The following TJP1 variants were observed in gnomAD, a reference collection of about 807,000 sequenced individuals.
TJP1 encodes tight junction protein 1.
Under a neutral mutation model 194.2 loss-of-function variants are expected in TJP1, and 43 were observed. The observed-to-expected ratio is 0.22, with a 90% CI of 0.17 to 0.29. The LOEUF is 0.29. Ranked by LOEUF, TJP1 falls within the 10% of genes least tolerant of loss-of-function variation. TJP1 has a pLI of 1.00. For missense variants in TJP1, 1,971 were observed against 2,185.7 expected (o/e 0.90, Z 1.96); for synonymous variants, 801 against 779.0 (o/e 1.03, Z -0.47).
chr15:29,943,718 G>A (rs2055171268), intron 2 of TJP1, among the ~76,000 whole-genome samples: 1 of 150,018 alleles, frequency 6.7e-6, no homozygotes, highest in South Asian at 2.1e-4. Context: ...GGAGGCCAAG[G>A]TGGGCAGATC....
intron 11 of TJP1, among the ~76,000 whole-genome samples, chr15:29,736,129 AAT>A (rs1218840651): frequency 1.3e-5 from 2 of 152,230 alleles, no homozygotes; most frequent in Non-Finnish European, 2.9e-5. Flanking sequence ...GCTGCTAAAA[AAT>A]AAAGGAAAAT....
At chr15:29,746,050 G>T (rs1220881998) in intron 8 of TJP1, among the ~76,000 whole-genome samples, 1 of 152,156 alleles carries the variant, frequency 6.6e-6, no homozygotes, top group East Asian at 1.9e-4. Context: ...ATTAAAATTA[G>T]GTGTAATGAA....
intron 5 of TJP1, 148 bp downstream of exon 5, chr15:29,766,118 C>T: frequency 9.6e-7 from 1 of 1,045,708 alleles, no homozygotes; most frequent in Non-Finnish European, 1.4e-6. Flanking sequence ...GTCCCTGAAG[C>T]CTGCCATAAC....
chr15:29,763,767 C>CA (rs10680239), intron 5 of TJP1, among the ~76,000 whole-genome samples: 3,861 of 122,144 alleles, frequency 0.032, 226 homozygotes, highest in African/African-American at 0.092. Flanking sequence ...GACTCCGTCT[C>CA]AAAAAAAAAA....
intron 1 of TJP1, chr15:29,820,649 G>A (rs1303247276): frequency 3.0e-5 from 21 of 696,284 alleles, no homozygotes; most frequent in Non-Finnish European, 5.6e-5. Context: ...GACATTCTGT[G>A]TAATACGGAA....
At chr15:29,714,762 CG>C (rs1333227243) in intron 23 of TJP1, among the ~76,000 whole-genome samples, 4 of 151,572 alleles carry the variant, frequency 2.6e-5, no homozygotes, top group African/African-American at 9.7e-5. Flanking sequence ...AGGATGGTCT[CG>C]ATCTCCTGAC....
intron 2 of TJP1, among the ~76,000 whole-genome samples, chr15:29,832,240 GAGA>G (rs2050859521): frequency 6.6e-6 from 1 of 152,098 alleles, no homozygotes; most frequent in Non-Finnish European, 1.5e-5. Context: ...CCTACCACAG[GAGA>G]AGTTCAGACT....
intron 2 of TJP1, among the ~76,000 whole-genome samples, chr15:29,905,183 C>A (rs1275446437): frequency 3.3e-5 from 5 of 152,152 alleles, no homozygotes; most frequent in Non-Finnish European, 7.3e-5. Flanking sequence ...GGCCTGTTGG[C>A]AAAAGCATAG....
intron 2 of TJP1, among the ~76,000 whole-genome samples, chr15:29,873,866 A>G (rs1254709783): frequency 6.6e-6 from 1 of 152,188 alleles, no homozygotes; most frequent in East Asian, 1.9e-4. Flanking sequence ...TGTAAATGGA[A>G]CGGCAGATCA....
At chr15:29,721,415 G>A (rs141214805) in intron 18 of TJP1, among the ~76,000 whole-genome samples, 2 of 152,208 alleles carry the variant, frequency 1.3e-5, no homozygotes, top group South Asian at 2.1e-4. Flanking sequence ...TATAAGACAT[G>A]CTTCCTTCCC....
intron 1 of TJP1, among the ~76,000 whole-genome samples, chr15:29,805,670 T>C (rs1009373133): frequency 4.0e-5 from 6 of 151,368 alleles, no homozygotes; most frequent in African/African-American, 1.5e-4. Flanking sequence ...GGTGCAAAAA[T>C]AACTGCAGCT....
Position 29,968,305 on chromosome 15 carries a change from G to T in TJP1, c.173+362C>A, listed in dbSNP as rs76174223. 2.9e-3 allele frequency: 2,813 copies of T among 985,102 alleles called. 64 individuals carry two copies. The African/African-American group carries it at 0.046, about 16-fold the overall frequency. 61.0% of individuals were successfully genotyped at this position (985,102 alleles called of 1,614,324 possible). ...CTTCTGCTGTCTCCGCGAGAGCCTG[G>T]CTGGAAATTCTGAGCCAGAACCCGC... On this transcript the variant is annotated intron_variant, in intron 1 of 28. Transcript: ENST00000356107.
At chr15:29,836,676 G>C (rs182024922) in intron 2 of TJP1, among the ~76,000 whole-genome samples, 170 of 152,260 alleles carry the variant, frequency 1.1e-3, no homozygotes, top group African/African-American at 3.9e-3. Flanking sequence ...TTCATGAGTT[G>C]AAACTTAATC....
intron 1 of TJP1, among the ~76,000 whole-genome samples, chr15:29,802,997 A>G (rs1207462755): frequency 6.6e-6 from 1 of 152,186 alleles, no homozygotes; most frequent in Non-Finnish European, 1.5e-5. Context: ...AAATTTATTT[A>G]ACATTAAGGG....
rs941322713 is a variant in TJP1, at chr15:29,732,444, T to C, written c.2006A>G (p.Tyr669Cys). Residue 669 changes from tyrosine (Y) to cysteine (C), a missense_variant, in exon 15 of 28, where the codon TAT becomes TGT. Around this residue, in one of 5 missense-constraint regions of TJP1, gnomAD observed 402 missense variants for 484.2 expected, o/e 0.83. Coordinates refer to ENST00000614355, the MANE Select transcript of TJP1 (RefSeq NM_001330239.4). The stretch of plus-strand genomic sequence containing the variant: ...TTGAGGCTACTTACTTGCAATTTGA[T>C]AAATATCTGGTTCTTCTCTTGCCAG... Reference protein sequence around the residue: ...EKLAREEPDIYQIAKSEPRDA... With the variant: ...EKLAREEPDICQIAKSEPRDA... The C allele has an allele frequency of 1.2e-6, 2 of 1,613,320 alleles. No homozygotes were observed. The highest frequency in any genetic ancestry group is 1.7e-6 in the Non-Finnish European group (2 of 1,180,008).
At chr15:29,968,292 C>T (rs2056399108) in intron 1 of TJP1, 1 of 985,332 alleles carries the variant, frequency 1.0e-6, no homozygotes, top group African/African-American at 1.7e-5. Flanking sequence ...TCTGCTGTCT[C>T]CGCGAGAGCC....
chr15:29,898,666 G>C (rs2053549175), intron 2 of TJP1, among the ~76,000 whole-genome samples: 1 of 152,186 alleles, frequency 6.6e-6, no homozygotes, highest in South Asian at 2.1e-4. Flanking sequence ...GAAACTTTCT[G>C]AGTGCCAACA....
chr15:29,735,588 GAAAA>G (rs79594334), intron 11 of TJP1, among the ~76,000 whole-genome samples: 2 of 91,686 alleles, frequency 2.2e-5, no homozygotes, highest in Admixed American at 1.1e-4. Context: ...CTGTCTCAAG[GAAAA>G]AAAAAAAAAA....
chr15:29,733,040 G>T, intron 13 of TJP1, 54 bp downstream of exon 13: 1 of 1,560,652 alleles, frequency 6.4e-7, no homozygotes, highest in Non-Finnish European at 8.8e-7. Flanking sequence ...GGATTGAAAT[G>T]ATCTATCATC....
Sources: gnomAD v4.1 joint callset for allele counts (sites outside exome capture counted in the v4.1 genomes callset) on GRCh38, gnomAD v4.1.1 for gene constraint, gnomAD v4.1.1 regional missense constraint, MANE v1.5 for transcripts, NCBI Gene and HGNC (gene_info 2026-07-23, HGNC 2026-07-21) for gene names.